The following DDX24 variants were observed in gnomAD, a reference collection of about 807,000 sequenced individuals.
DDX24 encodes ATP-dependent RNA helicase DDX24.
In DDX24, 24 loss-of-function variants were observed where a neutral mutation model predicts 68.9. The observed-to-expected ratio is 0.35, with a 90% CI of 0.25 to 0.49. The LOEUF (loss-of-function observed/expected upper bound fraction) is 0.49, where lower values mean the gene tolerates loss of function less well. DDX24 is among the 20% of genes least tolerant of loss of function. DDX24 has a pLI of 0.99. For synonymous variants in DDX24, 395 were observed against 385.2 expected (o/e 1.03, Z -0.30); for missense variants, 989 against 1,039.0 (o/e 0.95, Z 0.66).
At chr14:94,071,020 T>C (rs1302005427) in intron 2 of DDX24, among the ~76,000 whole-genome samples, 2 of 152,132 alleles carry the variant, frequency 1.3e-5, no homozygotes, top group African/African-American at 4.8e-5. Flanking sequence ...TGGGACCTAA[T>C]TAAACTAAAG....
rs770840846 is a variant in DDX24, at chr14:94,079,137, C to A, written c.606G>T (p.Pro202=). Residue 202 remains proline, a synonymous_variant, in exon 2 of 9, where the codon CCG becomes CCT. Coordinates refer to ENST00000621632, the MANE Select transcript of DDX24 (RefSeq NM_020414.4). ...SAWKDLFVPR[P]VLRALSFLGF... ...CTAGAAAGCTGAGTGCTCGGAGAAC[C>A]GGCCTGGGAACAAACAGGTCCTTCC... is the stretch of plus-strand genomic sequence containing the variant. 6.2e-7 allele frequency: 1 copy of A among 1,614,188 alleles called. No individual in the cohort carries two copies. Among genetic ancestry groups the A allele is most frequent in the Admixed American group, 1.7e-5 (1 of 60,020 alleles).
chr14:94,062,034 T>A, intron 3 of DDX24, 63 bp downstream of exon 3: 1 of 1,504,226 alleles, frequency 6.6e-7, no homozygotes, highest in Non-Finnish European at 8.9e-7. Flanking sequence ...AGCTCATTCA[T>A]CTTTACCAAC....
chr14:94,060,055 T>G, intron 5 of DDX24, 43 bp downstream of exon 5: 1 of 1,554,486 alleles, frequency 6.4e-7, no homozygotes, highest in Non-Finnish European at 8.7e-7. Flanking sequence ...TTTACCCCAG[T>G]AACTAACTAG....
chr14:94,078,960 C>G (rs764789747), intron 2 of DDX24, 65 bp downstream of exon 2: 9 of 1,464,572 alleles, frequency 6.1e-6, no homozygotes, highest in Non-Finnish European at 8.3e-6. Context: ...TCCCAATTAT[C>G]TGGCCTATTA....
Position 94,055,034 on chromosome 14 carries a change from G to C in DDX24, c.2140C>G (p.Leu714Val), listed in dbSNP as rs149275488. The C allele has an allele frequency of 6.3e-4, 1,021 of 1,614,226 alleles. 8 individuals are homozygous for C. Among genetic ancestry groups the C allele is most frequent in the South Asian group, 2.7e-3 (244 of 91,084 alleles). ...KTLKKDEDIPLFPVQTKYMDV... is the reference protein window; with the variant it reads ...KTLKKDEDIPVFPVQTKYMDV... ...ATGTATTTTGTCTGCACGGGGAACA[G>C]TGGGATATCCTCATCTTTCTTGAGC... Residue 714 changes from leucine to valine, a missense_variant, in exon 7 of 9, where the codon CTG becomes GTG. By Grantham distance (32) the Leu-to-Val change is conservative. Around this residue, in one of 3 missense-constraint regions of DDX24, gnomAD observed 691 missense variants for 760.0 expected, o/e 0.91. Transcript: ENST00000621632.
At chr14:94,055,308 C>T in intron 6 of DDX24, 124 bp from the exon 7 acceptor site, 1 of 916,066 alleles carries the variant, frequency 1.1e-6, no homozygotes, top group Middle Eastern at 3.4e-4. Flanking sequence ...ACTTCTGCAG[C>T]ATTGTAGAGC....
In DDX24 at chr14:94,062,180, G is replaced by A. The variant is rs770652821; in HGVS notation, c.1160C>T (p.Pro387Leu). Residue 387 changes from proline (P) to leucine (L), a missense_variant, in exon 3 of 9, where the codon CCT becomes CTT. This residue lies in a region of DDX24 where 691 missense variants were observed against 760.0 expected (regional missense o/e 0.91). Transcript: ENST00000621632. ...GGGAGTCAGAACCAGTCCAAGCAGA[G>A]GACGCTTTGGATATGCCTTACAGGT... ...SATCKAYPKRPLLGLVLTPTR... is the reference protein window; with the variant it reads ...SATCKAYPKRLLLGLVLTPTR... 2 of 1,614,076 alleles carry A rather than the reference G, an allele frequency of 1.2e-6. No individual in the cohort carries two copies. The highest frequency in any genetic ancestry group is 2.2e-5 in the East Asian group (1 of 44,882).
intron 5 of DDX24, among the ~76,000 whole-genome samples, chr14:94,059,423 C>A (rs1205645194): frequency 2.6e-5 from 4 of 152,162 alleles, no homozygotes; most frequent in African/African-American, 9.7e-5. Flanking sequence ...GGCAGAGAAA[C>A]CTTGGGCACA....
At chr14:94,068,440 CACT>C (rs1885752192) in intron 2 of DDX24, among the ~76,000 whole-genome samples, 1 of 152,186 alleles carries the variant, frequency 6.6e-6, no homozygotes, top group South Asian at 2.1e-4. Context: ...CCACTGACAG[CACT>C]AGACAGATCA....
rs772105924 is a variant in DDX24, at chr14:94,079,272, A to G, written c.471T>C (p.Asn157=). 3.1e-6 allele frequency: 5 copies of G among 1,612,610 alleles called. No homozygotes were observed. The East Asian group carries it at 8.9e-5, about 29-fold the overall frequency. The change falls in exon 2 of 9, where the codon AAT becomes AAC. Residue 157 remains asparagine (N), a synonymous_variant. Transcript: ENST00000621632. The stretch of plus-strand genomic sequence containing the variant: ...AAGGCTCCAACCCTTTTTTCCCTTT[A>G]TTTTTCTTCTTTTTTGGAGCAGTTT... ...LVQTAPKKKK[N]KGKKGLEPSQ...
chr14:94,075,062 T>C (rs1240311000), intron 2 of DDX24, among the ~76,000 whole-genome samples: 2 of 152,206 alleles, frequency 1.3e-5, no homozygotes, highest in African/African-American at 4.8e-5. Context: ...AATTAAATAT[T>C]GTTAAGACGT....
chr14:94,053,318 T>A, intron 7 of DDX24, 191 bp from the exon 8 acceptor site: 1 of 304,068 alleles, frequency 3.3e-6, no homozygotes, highest in Non-Finnish European at 5.7e-6. Context: ...CACCTCAGCC[T>A]CCCAAGCAGC....
chr14:94,068,444 A>G (rs1885752312), intron 2 of DDX24, among the ~76,000 whole-genome samples: 1 of 152,244 alleles, frequency 6.6e-6, no homozygotes, highest in South Asian at 2.1e-4. Context: ...TGACAGCACT[A>G]GACAGATCAT....
rs1041017179 is a variant in DDX24, at chr14:94,057,736, C to T, written c.1989+86G>A. The T allele has an allele frequency of 3.7e-5, 49 of 1,333,808 alleles. 1 individual carries two copies. In the Admixed American group the frequency reaches 5.3e-4, roughly 14 times the overall value. The allele number at this position is 1,333,808 out of a possible 1,614,324, so 82.6% of individuals were successfully genotyped here. On this transcript the variant is annotated intron_variant, in intron 6 of 8. Coordinates refer to ENST00000621632, the MANE Select transcript of DDX24 (RefSeq NM_020414.4). ...TCTGATGCAAGAGCCTTGGAACCAA[C>T]AATTCCTCCTCCCTCCCCCAACCTT... is the stretch of plus-strand genomic sequence containing the variant.
In DDX24 at chr14:94,079,124, G is replaced by A. The variant is rs1195190776; in HGVS notation, c.619C>T (p.Leu207Phe). The change falls in exon 2 of 9, where the codon CTC becomes TTC. Residue 207 changes from leucine to phenylalanine, a missense_variant. This residue lies in a region of DDX24 where 295 missense variants were observed against 263.0 expected (regional missense o/e 1.12). Coordinates refer to ENST00000621632, the MANE Select transcript of DDX24 (RefSeq NM_020414.4). The stretch of plus-strand genomic sequence containing the variant: ...GGTGCAGAGAAGCCTAGAAAGCTGA[G>A]TGCTCGGAGAACCGGCCTGGGAACA... ...LFVPRPVLRA[L>F]SFLGFSAPTP... The A allele has an allele frequency of 6.2e-7, 1 of 1,614,204 alleles. No homozygotes were observed.
In DDX24 at chr14:94,062,617, A is replaced by G. The variant is rs1279806690; in HGVS notation, c.723T>C (p.Ser241=). 13 of 1,587,820 alleles carry G rather than the reference A, an allele frequency of 8.2e-6. No homozygotes were observed. Among genetic ancestry groups the G allele is most frequent in the Non-Finnish European group, 1.1e-5 (13 of 1,168,910 alleles). ...LDILGAAETG[S]GKTLAFAIPM... ...GGATGGCAAAGGCAAGAGTTTTCCC[A>G]CTTCCTTAAAAGTAAAAAAACAAAA... The change falls in exon 3 of 9, where the codon AGT becomes AGC. Residue 241 remains serine, a synonymous_variant. Coordinates refer to ENST00000621632, the MANE Select transcript of DDX24 (RefSeq NM_020414.4).
In DDX24 at chr14:94,051,065, G is replaced by A. The variant is rs1008418864; in HGVS notation, c.*126C>T. On this transcript the variant is annotated 3_prime_UTR_variant, in exon 9 of 9. Transcript: ENST00000621632. ...GCATGAGGTCTCTCCCGCTATGGGT[G>A]TGAGTGGAAGAGAGGGAGACTTTTT... 4.5e-5 allele frequency: 51 copies of A among 1,128,506 alleles called. 2 individuals are homozygous for A. In the African/African-American group the frequency reaches 7.8e-4, roughly 17 times the overall value. The allele number at this position is 1,128,506 out of a possible 1,614,324, so 69.9% of individuals were successfully genotyped here.
At position 94,060,997 on chromosome 14, in the gene DDX24, GGAC is replaced by G; in HGVS notation, c.1310_1312del (p.Arg437del). On this transcript the variant is annotated inframe_deletion, in exon 4 of 9. Coordinates refer to ENST00000621632, the MANE Select transcript of DDX24 (RefSeq NM_020414.4). ...GCCTGGAGTAGCAACCACAATCTCA[GGAC>G]GACGGTTCAGCATCCTCTGCTGTTT... is the stretch of plus-strand genomic sequence containing the variant. The G allele has an allele frequency of 6.2e-7, 1 of 1,614,176 alleles. No individual in the cohort carries two copies. Among genetic ancestry groups the G allele is most frequent in the Non-Finnish European group, 8.5e-7 (1 of 1,180,034 alleles).
At chr14:94,053,881 T>C (rs766696820) in intron 7 of DDX24, among the ~76,000 whole-genome samples, 5 of 152,322 alleles carry the variant, frequency 3.3e-5, no homozygotes, top group South Asian at 4.2e-4. Flanking sequence ...AGTGGTGAGA[T>C]GCAGTTCAGT....
Sources: allele counts gnomAD v4.1 joint callset (sites outside exome capture counted in the v4.1 genomes callset), GRCh38; gene constraint gnomAD v4.1.1; regional missense constraint gnomAD v4.1.1; transcripts MANE v1.5; gene names NCBI Gene and HGNC (gene_info 2026-07-23, HGNC 2026-07-21).